The following RIMOC1 variants were observed in gnomAD, a reference collection of about 807,000 sequenced individuals.
The protein encoded by RIMOC1 is RAB7A-interacting MON1-CCZ1 complex subunit 1.
the RIMOC1 span, among the ~76,000 whole-genome samples, chr5:41,910,640 T>C: frequency 6.6e-6 from 1 of 152,008 alleles, no homozygotes; most frequent in Admixed American, 6.6e-5. Flanking sequence ...TTTAAAAATT[T>C]TGATTTATTA....
chr5:41,912,140 AGTT>A, the RIMOC1 span: 2 of 1,611,312 alleles, frequency 1.2e-6, no homozygotes, highest in African/African-American at 2.7e-5. Flanking sequence ...TAAATGAAGG[AGTT>A]TCTTTCCAAG....
the RIMOC1 span, chr5:41,904,531 G>A: frequency 2.0e-5 from 29 of 1,457,260 alleles, no homozygotes; most frequent in East Asian, 4.6e-4. Context: ...GCGCTCGATG[G>A]CTGTGAGGGC....
At chr5:41,911,466 C>A in the RIMOC1 span, 1 of 179,478 alleles carries the variant, frequency 5.6e-6, no homozygotes, top group Admixed American at 6.3e-5. Context: ...AATTTTTGTC[C>A]TGAAAGAAAC....
chr5:41,912,096 C>G, the RIMOC1 span: 10 of 1,610,204 alleles, frequency 6.2e-6, no homozygotes, highest in East Asian at 1.3e-4. Context: ...CAGTTACTTG[C>G]TACAGATGCT....
chr5:41,908,834 G>A, the RIMOC1 span, among the ~76,000 whole-genome samples: 1 of 152,074 alleles, frequency 6.6e-6, no homozygotes, highest in Non-Finnish European at 1.5e-5. Context: ...CCCTATTGAT[G>A]GTTCTGAATC....
the RIMOC1 span, chr5:41,907,613 T>C: frequency 1.0e-5 from 6 of 575,214 alleles, no homozygotes. Flanking sequence ...ACTATAATTC[T>C]GTTTCTCCAT....
the RIMOC1 span, chr5:41,918,595 G>C: frequency 1.0e-6 from 1 of 985,226 alleles, no homozygotes; most frequent in Non-Finnish European, 1.2e-6. Context: ...TGAGTTCTTT[G>C]TGATGGGTAG....
the RIMOC1 span, chr5:41,918,607 C>G: frequency 2.0e-6 from 2 of 985,326 alleles, no homozygotes; most frequent in Non-Finnish European, 2.4e-6. Context: ...GATGGGTAGT[C>G]CTTCAAAGTA....
At chr5:41,911,390 C>CT in the RIMOC1 span, 1 of 340,486 alleles carries the variant, frequency 2.9e-6, no homozygotes. Flanking sequence ...CTGCGAAGTT[C>CT]TTTTTTTAAG....
the RIMOC1 span, chr5:41,911,327 A>G: frequency 4.6e-6 from 3 of 656,638 alleles, no homozygotes; most frequent in Non-Finnish European, 4.6e-6. Context: ...TCATAAATAA[A>G]TTGGGCTTGT....
At chr5:41,906,214 C>T in the RIMOC1 span, among the ~76,000 whole-genome samples, 1 of 152,090 alleles carries the variant, frequency 6.6e-6, no homozygotes, top group Admixed American at 6.5e-5. Context: ...TAATTTATTT[C>T]TCATCATACA....
the RIMOC1 span, chr5:41,907,805 G>A: frequency 3.7e-6 from 6 of 1,609,028 alleles, no homozygotes; most frequent in East Asian, 1.1e-4. Flanking sequence ...GAGAAAGAAT[G>A]TTCAAATCCA....
the RIMOC1 span, chr5:41,917,819 T>C: frequency 1.2e-6 from 1 of 844,758 alleles, no homozygotes; most frequent in African/African-American, 1.8e-5. Flanking sequence ...ATGAAAGATC[T>C]CACAAAGGAA....
chr5:41,905,855 G>A, the RIMOC1 span, among the ~76,000 whole-genome samples: 3 of 152,198 alleles, frequency 2.0e-5, no homozygotes, highest in Non-Finnish European at 4.4e-5. Flanking sequence ...TGGAATTCTT[G>A]TTTGAAGGCT....
the RIMOC1 span, among the ~76,000 whole-genome samples, chr5:41,912,458 G>A: frequency 3.4e-4 from 51 of 152,232 alleles, no homozygotes; most frequent in Non-Finnish European, 6.0e-4. Context: ...TAATTAGTCT[G>A]TTTTCACACT....
At chr5:41,904,345 G>C in the RIMOC1 span, 192 of 1,611,384 alleles carry the variant, frequency 1.2e-4, no homozygotes, top group Non-Finnish European at 1.6e-4. Context: ...CACGTGACCG[G>C]GGCGCACCCG....
At chr5:41,912,061 T>C in the RIMOC1 span, 1 of 1,526,818 alleles carries the variant, frequency 6.5e-7, no homozygotes, top group African/African-American at 1.4e-5. Flanking sequence ...GCTCTGACTT[T>C]TATTTAGTAC....
the RIMOC1 span, among the ~76,000 whole-genome samples, chr5:41,916,834 C>T: frequency 6.6e-6 from 1 of 152,024 alleles, no homozygotes; most frequent in African/African-American, 2.4e-5. Flanking sequence ...TCAGTAAAAT[C>T]GATATTAAAA....
the RIMOC1 span, among the ~76,000 whole-genome samples, chr5:41,905,375 G>A: frequency 7.6e-4 from 116 of 152,306 alleles, no homozygotes; most frequent in Middle Eastern, 3.4e-3. Context: ...GTATCATTCT[G>A]TTGCTCAGGC....
Sources: allele counts gnomAD v4.1 joint callset (sites outside exome capture counted in the v4.1 genomes callset), GRCh38; gene constraint gnomAD v4.1.1; transcripts MANE v1.5; gene names NCBI Gene and HGNC (gene_info 2026-07-23, HGNC 2026-07-21).